BICD1: variants seen among roughly 807,000 people sequenced by gnomAD.
BICD1 encodes the protein protein bicaudal D homolog 1.
BICD1 carries 35 observed loss-of-function variants against 92.5 expected under a neutral mutation model. The observed-to-expected ratio is 0.38, with a 90% CI of 0.29 to 0.50. The LOEUF is 0.50. Ranked by LOEUF, BICD1 falls within the 20% of genes least tolerant of loss-of-function variation. The pLI is 0.93. For synonymous variants in BICD1, 429 were observed against 465.1 expected (o/e 0.92, Z 1.00); for missense variants, 950 against 1,189.8 (o/e 0.80, Z 2.97).
chr12:32,299,700 C>A (rs2728796), intron 3 of BICD1, among the ~76,000 whole-genome samples: 74,981 of 151,694 alleles, frequency 0.49, 18,880 homozygotes, highest in Non-Finnish European at 0.54. Context: ...TACAAAAAAA[C>A]AATTTAAAAA....
intron 2 of BICD1, among the ~76,000 whole-genome samples, chr12:32,275,985 C>T (rs924639893): frequency 6.6e-6 from 1 of 151,956 alleles, no homozygotes; most frequent in Non-Finnish European, 1.5e-5. Flanking sequence ...TCTTGGAAGC[C>T]GCCCACCACC....
intron 9 of BICD1, among the ~76,000 whole-genome samples, chr12:32,374,670 C>G (rs979013511): frequency 6.9e-6 from 1 of 145,938 alleles, no homozygotes; most frequent in Admixed American, 6.9e-5. Context: ...CGGGTTCAAG[C>G]GATTCTCCTG....
chr12:32,253,696 T>A (rs1010094965), intron 2 of BICD1, among the ~76,000 whole-genome samples: 11 of 152,224 alleles, frequency 7.2e-5, no homozygotes, highest in Admixed American at 1.3e-4. Context: ...ATTTCCTAGA[T>A]TTGTTTTATT....
intron 6 of BICD1, among the ~76,000 whole-genome samples, chr12:32,335,367 G>A (rs1938066369): frequency 6.6e-6 from 1 of 151,996 alleles, no homozygotes; most frequent in African/African-American, 2.4e-5. Flanking sequence ...AGCCAGGATG[G>A]TCTCGATTTC....
chr12:32,284,922 G>A (rs559441685), intron 2 of BICD1, among the ~76,000 whole-genome samples: 1 of 152,212 alleles, frequency 6.6e-6, no homozygotes, highest in South Asian at 2.1e-4. Flanking sequence ...AAATAGCACC[G>A]AACTTAGGCA....
intron 1 of BICD1, among the ~76,000 whole-genome samples, chr12:32,165,730 A>AT (rs896598858): frequency 1.3e-5 from 2 of 151,614 alleles, no homozygotes; most frequent in African/African-American, 4.9e-5. Context: ...GTCAAAACTC[A>AT]TTTATCAAGA....
chr12:32,325,533 C>T (rs1030345377), intron 4 of BICD1, among the ~76,000 whole-genome samples: 2 of 152,080 alleles, frequency 1.3e-5, no homozygotes, highest in South Asian at 2.1e-4. Flanking sequence ...ATCAGAACCT[C>T]GCCAAGAGAG....
chr12:32,328,112 G>A lies in BICD1; in HGVS notation c.1657G>A (p.Asp553Asn), dbSNP rs201635417. 4.3e-5 allele frequency: 70 copies of A among 1,614,024 alleles called. No individual in the cohort carries two copies. The highest frequency in any genetic ancestry group is 5.5e-5 in the South Asian group (5 of 91,080). Residue 553 changes from aspartate (D) to asparagine (N), a missense_variant, in exon 5 of 10, where the codon GAT becomes AAT. Around this residue, in one of 5 missense-constraint regions of BICD1, gnomAD observed 309 missense variants for 499.4 expected, o/e 0.62. Transcript: ENST00000652176. This position sits in a 1 kb window ranked among gnomAD's most constrained non-coding sequence, Gnocchi z 4.4. ...CCGCAGTGGCAGCCTGAAAGGGCCC[G>A]ATGATCCCAGAGGACTTTTGTCCCC... Reference protein sequence around the residue: ...VTRSGSLKGPDDPRGLLSPRL... With the variant: ...VTRSGSLKGPNDPRGLLSPRL...
intron 2 of BICD1, among the ~76,000 whole-genome samples, chr12:32,230,707 C>T (rs1027580938): frequency 1.3e-5 from 2 of 152,144 alleles, no homozygotes; most frequent in African/African-American, 2.4e-5. Context: ...GCAAAAGCGG[C>T]GTCTGTCTCA....
chr12:32,270,233 AATAAT>A (rs1364043075), intron 2 of BICD1, among the ~76,000 whole-genome samples: 1 of 151,940 alleles, frequency 6.6e-6, no homozygotes, highest in Non-Finnish European at 1.5e-5. Context: ...ATAGTAATAA[AATAAT>A]ATAATAAGAT....
At chr12:32,261,126 G>C (rs1244932476) in intron 2 of BICD1, among the ~76,000 whole-genome samples, 1 of 152,150 alleles carries the variant, frequency 6.6e-6, no homozygotes, top group East Asian at 1.9e-4. Flanking sequence ...ACCGAAGGAG[G>C]CCCAAGCTCA....
At chr12:32,199,462 C>A (rs1375876588) in intron 1 of BICD1, among the ~76,000 whole-genome samples, 7 of 152,078 alleles carry the variant, frequency 4.6e-5, no homozygotes, top group Admixed American at 3.9e-4. Context: ...TTTCTCGTGG[C>A]CCAATAACGA....
chr12:32,262,956 C>A (rs1229548971), intron 2 of BICD1, among the ~76,000 whole-genome samples: 2 of 150,760 alleles, frequency 1.3e-5, no homozygotes, highest in African/African-American at 4.9e-5. Context: ...CCAGCCTGGC[C>A]AACATGGTGA....
At chr12:32,334,806 C>A in intron 6 of BICD1, 139 bp downstream of exon 6, 1 of 927,536 alleles carries the variant, frequency 1.1e-6, no homozygotes, top group South Asian at 2.5e-5. Context: ...CTGTGGAAGT[C>A]CACTCTGACG....
intron 2 of BICD1, among the ~76,000 whole-genome samples, chr12:32,246,637 C>T (rs1946396509): frequency 6.6e-6 from 1 of 151,642 alleles, no homozygotes; most frequent in South Asian, 2.1e-4. Context: ...GACCTTGTCT[C>T]AAAAAAAATC....
chr12:32,140,572 C>T (rs1300191512), intron 1 of BICD1, among the ~76,000 whole-genome samples: 1 of 152,152 alleles, frequency 6.6e-6, no homozygotes. Context: ...ACCCCGCCTC[C>T]CGGGTTCAAG....
chr12:32,149,821 C>T (rs1239950505), intron 1 of BICD1, among the ~76,000 whole-genome samples: 6 of 152,256 alleles, frequency 3.9e-5, no homozygotes, highest in Non-Finnish European at 7.4e-5. Context: ...AACAAACAGC[C>T]TCCCTCAAGC....
intron 4 of BICD1, among the ~76,000 whole-genome samples, chr12:32,323,896 C>T (rs1948712807): frequency 6.6e-6 from 1 of 152,152 alleles, no homozygotes; most frequent in Non-Finnish European, 1.5e-5. Context: ...AAGTCTCTTA[C>T]TGTTGGTTAT....
At chr12:32,323,854 G>C (rs192275652) in intron 4 of BICD1, among the ~76,000 whole-genome samples, 44 of 152,228 alleles carry the variant, frequency 2.9e-4, no homozygotes, top group African/African-American at 1.0e-3. Flanking sequence ...CAATTGTTTT[G>C]TGATCTTTAA....
Sources: gnomAD v4.1 joint callset for allele counts (sites outside exome capture counted in the v4.1 genomes callset) on GRCh38, gnomAD v4.1.1 for gene constraint, gnomAD v4.1.1 regional missense constraint, Gnocchi (gnomAD v3.1) non-coding constraint, MANE v1.5 for transcripts, NCBI Gene and HGNC (gene_info 2026-07-23, HGNC 2026-07-21) for gene names.